Variants in EIF4G3 observed in about 807,000 individuals in gnomAD.
EIF4G3 encodes eIF-4-gamma 3.
A neutral mutation model predicts 186.4 loss-of-function variants in EIF4G3; 34 were observed. That is an observed-to-expected ratio of 0.18 (90% CI 0.14 to 0.24). EIF4G3 has a LOEUF of 0.24. Ranked by LOEUF, EIF4G3 falls within the 10% of genes least tolerant of loss-of-function variation. EIF4G3 has a pLI of 1.00. For synonymous variants in EIF4G3, 673 were observed against 679.5 expected (o/e 0.99, Z 0.15); for missense variants, 1,536 against 1,948.5 (o/e 0.79, Z 3.99).
chr1:21,032,957 C>A lies in EIF4G3; in HGVS notation c.-67+17909G>T, dbSNP rs2092868696. Among the ~76,000 whole-genome samples, 3 of 152,326 alleles carry A rather than the reference C, an allele frequency of 2.0e-5. 1 individual carries two copies. In the South Asian group the frequency reaches 6.2e-4, roughly 32 times the overall value. Reference sequence around the variant, plus strand: ...AAATCCATCATAATACAATGACGGACTGCTTCTCAAAGAAACTAGTAACAG... The same window carrying A: ...AAATCCATCATAATACAATGACGGAATGCTTCTCAAAGAAACTAGTAACAG... On this transcript the variant is annotated intron_variant, in intron 4 of 36. Coordinates refer to ENST00000602326, the MANE Select transcript of EIF4G3 (RefSeq NM_001391906.1).
At chr1:21,158,996 G>GA (rs2097711664) in intron 2 of EIF4G3, among the ~76,000 whole-genome samples, 2 of 147,726 alleles carry the variant, frequency 1.4e-5, no homozygotes, top group East Asian at 2.0e-4. Flanking sequence ...GGCAAAAAAA[G>GA]AAAAAAAAGA....
chr1:20,854,021 A>G (rs1430686824), intron 26 of EIF4G3, among the ~76,000 whole-genome samples: 1 of 152,162 alleles, frequency 6.6e-6, no homozygotes, highest in African/African-American at 2.4e-5. Flanking sequence ...GTGCACAAAT[A>G]TGCATGTGGG....
At chr1:21,167,458 G>T (rs1414025832) in intron 2 of EIF4G3, among the ~76,000 whole-genome samples, 1 of 152,058 alleles carries the variant, frequency 6.6e-6, no homozygotes, top group East Asian at 1.9e-4. Flanking sequence ...CACCTGAGAT[G>T]AAGAGTTCGA....
chr1:20,895,568 A>C (rs1440149138), intron 16 of EIF4G3, 67 bp from the exon 17 acceptor site: 3 of 1,517,362 alleles, frequency 2.0e-6, no homozygotes, highest in African/African-American at 2.8e-5. Flanking sequence ...TTGCATAACG[A>C]TGTTTCGATC....
Position 20,913,954 on chromosome 1 carries a change from A to C in EIF4G3, c.1664-8983T>G, listed in dbSNP as rs1026540630. 4.6e-5 allele frequency among the ~76,000 whole-genome samples: 7 copies of C among 151,790 alleles called. No homozygotes were observed. The East Asian group carries it at 5.8e-4, about 13-fold the overall frequency. ...CCTCAGCAGCTGGGACTACAGGCGC[A>C]TGCCGCCACGCCTGGATAATTTTTT... On this transcript the variant is annotated intron_variant, in intron 14 of 36. Coordinates refer to ENST00000602326, the MANE Select transcript of EIF4G3 (RefSeq NM_001391906.1).
intron 2 of EIF4G3, among the ~76,000 whole-genome samples, chr1:21,124,979 T>A (rs2097001070): frequency 6.6e-6 from 1 of 152,180 alleles, no homozygotes; most frequent in Non-Finnish European, 1.5e-5. Context: ...TTTCAACACA[T>A]CCAGGTTTAG....
At chr1:21,163,480 C>T (rs1473065982) in intron 2 of EIF4G3, among the ~76,000 whole-genome samples, 1 of 152,044 alleles carries the variant, frequency 6.6e-6, no homozygotes, top group African/African-American at 2.4e-5. Flanking sequence ...TAATTAAGAC[C>T]CACTTCCTTT....
At chr1:20,926,528 G>A (rs1366150335) in intron 14 of EIF4G3, among the ~76,000 whole-genome samples, 1 of 152,092 alleles carries the variant, frequency 6.6e-6, no homozygotes. Flanking sequence ...AAAGTTAGCT[G>A]GGTGTGGTGT....
intron 12 of EIF4G3, among the ~76,000 whole-genome samples, chr1:20,951,752 A>AGG (rs3835564): frequency 0.035 from 5,259 of 150,596 alleles, 156 homozygotes; most frequent in Non-Finnish European, 0.045. Context: ...CCAAATAAAA[A>AGG]GGGGGGGGCA....
intron 2 of EIF4G3, 23 bp downstream of exon 2, chr1:21,176,152 C>A: frequency 2.6e-6 from 1 of 382,286 alleles, no homozygotes; most frequent in Non-Finnish European, 4.6e-6. Context: ...ACCGAAGGGC[C>A]GACAGGAAGG....
intron 2 of EIF4G3, among the ~76,000 whole-genome samples, chr1:21,172,115 T>C (rs1196488006): frequency 2.3e-5 from 1 of 43,950 alleles, no homozygotes; most frequent in Non-Finnish European, 4.8e-5. Context: ...GTACCTCCTC[T>C]AGCAAAAAAA....
chr1:21,023,915 A>T (rs1247405172), intron 4 of EIF4G3, among the ~76,000 whole-genome samples: 2 of 115,606 alleles, frequency 1.7e-5, no homozygotes, highest in Admixed American at 8.5e-5. Flanking sequence ...CCGCCGCCCC[A>T]TCTGGGATGT....
At chr1:21,089,022 T>C (rs1245189497) in intron 3 of EIF4G3, 116 bp downstream of exon 3, 6 of 633,234 alleles carry the variant, frequency 9.5e-6, no homozygotes, top group South Asian at 1.9e-5. Context: ...CAGAATTTTA[T>C]TGAACTTTTT....
chr1:20,995,452 A>C (rs1455912446), intron 7 of EIF4G3, among the ~76,000 whole-genome samples: 1 of 152,100 alleles, frequency 6.6e-6, no homozygotes, highest in Non-Finnish European at 1.5e-5. Flanking sequence ...GGCTCACTGC[A>C]AACTCTGCCT....
At chr1:21,168,176 G>C (rs1462659799) in intron 2 of EIF4G3, 1 of 371,002 alleles carries the variant, frequency 2.7e-6, no homozygotes, top group Non-Finnish European at 5.5e-6. Context: ...GGCTGAGGTG[G>C]GCAGATCACT....
intron 4 of EIF4G3, among the ~76,000 whole-genome samples, chr1:21,045,286 T>C (rs1252641192): frequency 6.6e-6 from 1 of 152,140 alleles, no homozygotes; most frequent in Non-Finnish European, 1.5e-5. Flanking sequence ...TTGAAACTCA[T>C]CCTTTACTAA....
At chr1:21,010,045 A>G (rs1013089055) in intron 4 of EIF4G3, among the ~76,000 whole-genome samples, 4 of 152,250 alleles carry the variant, frequency 2.6e-5, no homozygotes, top group African/African-American at 9.6e-5. Context: ...CTAAAATGGT[A>G]GCTATTAGCC....
chr1:21,148,203 G>A (rs2097485385), intron 2 of EIF4G3, among the ~76,000 whole-genome samples: 1 of 151,998 alleles, frequency 6.6e-6, no homozygotes, highest in Non-Finnish European at 1.5e-5. Flanking sequence ...CAAGTAGCTA[G>A]GGCTACAGGC....
In EIF4G3 at chr1:21,063,594, C is replaced by CT. The variant is rs568440999; in HGVS notation, c.-195-12601dup. Among the ~76,000 whole-genome samples the CT allele has an allele frequency of 3.4e-5, 5 of 146,646 alleles. 1 individual carries two copies. Among genetic ancestry groups the CT allele is most frequent in the South Asian group, 2.2e-4 (1 of 4,598 alleles). On this transcript the variant is annotated intron_variant, in intron 3 of 36. Coordinates refer to ENST00000602326, the MANE Select transcript of EIF4G3 (RefSeq NM_001391906.1). ...ACAGAAATCGGTGGTGCACTAATAA[C>CT]TTTTTTTTTTAAGTGCACAGCAAAA...
Sources: gnomAD v4.1 joint callset for allele counts (sites outside exome capture counted in the v4.1 genomes callset) on GRCh38, gnomAD v4.1.1 for gene constraint, MANE v1.5 for transcripts, NCBI Gene and HGNC (gene_info 2026-07-23, HGNC 2026-07-21) for gene names.